ATP2B1: variants seen among roughly 807,000 people sequenced by gnomAD.
The protein encoded by ATP2B1 is ATPase plasma membrane Ca2+ transporting 1.
In ATP2B1, 14 loss-of-function variants were observed where a neutral mutation model predicts 124.2. The observed-to-expected ratio is 0.11, with a 90% CI of 0.07 to 0.18. The LOEUF is 0.18. Ranked by LOEUF, ATP2B1 falls within the 10% of genes least tolerant of loss-of-function variation. The pLI is 1.00. For synonymous variants in ATP2B1, 449 were observed against 492.4 expected (o/e 0.91, Z 1.17); for missense variants, 763 against 1,466.1 (o/e 0.52, Z 7.83).
rs1881696070 is a variant in ATP2B1 at position 89,630,640 on chromosome 12, G to A, written c.793C>T (p.His265Tyr). 1 of 1,548,738 alleles carries A rather than the reference G, an allele frequency of 6.5e-7. No individual in the cohort carries two copies. Among genetic ancestry groups the A allele is most frequent in the African/African-American group, 1.4e-5 (1 of 72,226 alleles). ...ATTCTTCCAGAGCCTTCCATTACATGAGTACCTATAACCAAAAACATAGTT... is the reference window on the plus strand; with the variant it reads ...ATTCTTCCAGAGCCTTCCATTACATAAGTACCTATAACCAAAAACATAGTT... ...DKDPLLLSGT[H>Y]VMEGSGRMVV... The change falls in exon 6 of 21, where the codon CAT becomes TAT. Residue 265 changes from histidine to tyrosine, a missense_variant. Transcript: ENST00000428670.
At chr12:89,644,286 G>A (rs1422580475) in intron 2 of ATP2B1, among the ~76,000 whole-genome samples, 1 of 152,174 alleles carries the variant, frequency 6.6e-6, no homozygotes, top group African/African-American at 2.4e-5. Flanking sequence ...GAAAACAGTA[G>A]ATTACTGTTA....
rs115870700 is a variant in ATP2B1, at chr12:89,660,814, T to G, written c.-221-4707A>C. The stretch of plus-strand genomic sequence containing the variant: ...GAGAATAGCCTTCTCCCACCCCAGA[T>G]GAGGAAGACCTCAAACCATTTCAGA... On this transcript the variant is annotated intron_variant, in intron 1 of 20. Transcript: ENST00000428670. Among the ~76,000 whole-genome samples the G allele has an allele frequency of 7.1e-3, 1,074 of 152,272 alleles. 11 individuals are homozygous for G. The highest frequency in any genetic ancestry group is 0.023 in the African/African-American group (963 of 41,540).
At chr12:89,673,449 C>A (rs1236538477) in intron 1 of ATP2B1, among the ~76,000 whole-genome samples, 1 of 152,144 alleles carries the variant, frequency 6.6e-6, no homozygotes. Flanking sequence ...TAGCTAAGTT[C>A]CTTTTTCTTC....
chr12:89,596,865 G>C (rs1481535550), intron 20 of ATP2B1, among the ~76,000 whole-genome samples: 2 of 152,028 alleles, frequency 1.3e-5, no homozygotes, highest in East Asian at 3.9e-4. Flanking sequence ...TACTCTTTCA[G>C]TACCAGACTA....
chr12:89,702,586 T>C (rs979353325), intron 1 of ATP2B1, among the ~76,000 whole-genome samples: 2 of 152,156 alleles, frequency 1.3e-5, no homozygotes, highest in African/African-American at 4.8e-5. Flanking sequence ...AACAGTCAAA[T>C]CTTCTTTAAG....
chr12:89,678,009 CACACACACATAT>C (rs1888884869), intron 1 of ATP2B1, among the ~76,000 whole-genome samples: 4 of 134,152 alleles, frequency 3.0e-5, no homozygotes, highest in African/African-American at 1.1e-4. Context: ...CACACACACA[CACACACACATAT>C]ACAGAATGGA....
intron 6 of ATP2B1, among the ~76,000 whole-genome samples, chr12:89,629,391 T>C (rs1240335024): frequency 6.6e-6 from 1 of 152,194 alleles, no homozygotes; most frequent in Non-Finnish European, 1.5e-5. Context: ...AATGGAATCA[T>C]TACTGTGCTG....
At chr12:89,643,163 T>C (rs997561974) in intron 2 of ATP2B1, among the ~76,000 whole-genome samples, 33 of 150,890 alleles carry the variant, frequency 2.2e-4, no homozygotes, top group East Asian at 1.6e-3. Context: ...TATATATGTA[T>C]GTATGTATAT....
intron 3 of ATP2B1, among the ~76,000 whole-genome samples, chr12:89,639,853 T>C (rs1266921506): frequency 6.6e-6 from 1 of 152,184 alleles, no homozygotes; most frequent in Non-Finnish European, 1.5e-5. Context: ...TAAACTCCAC[T>C]TCTTGAAAGT....
At chr12:89,633,465 T>C (rs1465642563) in intron 5 of ATP2B1, among the ~76,000 whole-genome samples, 1 of 128,934 alleles carries the variant, frequency 7.8e-6, no homozygotes. Context: ...ATACTGAAGG[T>C]ATACACATCT....
At chr12:89,701,510 GAGA>G (rs1410991678) in intron 1 of ATP2B1, among the ~76,000 whole-genome samples, 1 of 152,190 alleles carries the variant, frequency 6.6e-6, no homozygotes, top group African/African-American at 2.4e-5. Flanking sequence ...AAGTAAAGCA[GAGA>G]AGGTTAAGGA....
chr12:89,649,499 A>G (rs893044962), intron 2 of ATP2B1, among the ~76,000 whole-genome samples: 1 of 152,148 alleles, frequency 6.6e-6, no homozygotes, highest in African/African-American at 2.4e-5. Context: ...GGAAGGTAAA[A>G]CCAATGCCTG....
chr12:89,613,694 T>A (rs1177455035), intron 12 of ATP2B1, among the ~76,000 whole-genome samples: 2 of 152,146 alleles, frequency 1.3e-5, no homozygotes, highest in African/African-American at 4.8e-5. Context: ...AAACAATGAG[T>A]AAAAGGGAGA....
chr12:89,616,702 C>G (rs1879036184), intron 12 of ATP2B1, 100 bp downstream of exon 12: 1 of 1,164,730 alleles, frequency 8.6e-7, no homozygotes. Context: ...AAAAAAATCA[C>G]AAACACCAAG....
intron 9 of ATP2B1, among the ~76,000 whole-genome samples, chr12:89,622,761 C>T (rs1392885399): frequency 6.6e-6 from 1 of 152,120 alleles, no homozygotes; most frequent in Non-Finnish European, 1.5e-5. Context: ...TCCATAAAGA[C>T]TATACCTCTG....
At chr12:89,691,269 T>C (rs1890528726) in intron 1 of ATP2B1, among the ~76,000 whole-genome samples, 1 of 152,146 alleles carries the variant, frequency 6.6e-6, no homozygotes, top group South Asian at 2.1e-4. Flanking sequence ...ATACAATCAG[T>C]CCTCTTCTAA....
chr12:89,642,383 A>G (rs1051782371), intron 2 of ATP2B1, 28 bp from the exon 3 acceptor site: 1 of 1,568,500 alleles, frequency 6.4e-7, no homozygotes, highest in Non-Finnish European at 8.7e-7. Flanking sequence ...ATTTCAGTGA[A>G]CAGTTTTACT....
At chr12:89,653,055 A>AT (rs1452242773) in intron 2 of ATP2B1, among the ~76,000 whole-genome samples, 2 of 152,204 alleles carry the variant, frequency 1.3e-5, no homozygotes, top group African/African-American at 4.8e-5. Context: ...AACTGTAAAT[A>AT]TAAGTATAAT....
intron 1 of ATP2B1, among the ~76,000 whole-genome samples, chr12:89,668,307 T>C (rs1887549218): frequency 6.6e-6 from 1 of 152,186 alleles, no homozygotes; most frequent in Non-Finnish European, 1.5e-5. Flanking sequence ...TGCTTCACTG[T>C]TTATTAGAAT....
Sources: allele counts gnomAD v4.1 joint callset (sites outside exome capture counted in the v4.1 genomes callset), GRCh38; gene constraint gnomAD v4.1.1; transcripts MANE v1.5; gene names NCBI Gene and HGNC (gene_info 2026-07-23, HGNC 2026-07-21).